Variants in SLC13A3 observed in about 807,000 individuals in gnomAD.
SLC13A3 encodes Na(+)/dicarboxylate cotransporter 3.
SLC13A3 carries 40 observed loss-of-function variants against 59.0 expected under a neutral mutation model. The observed-to-expected ratio is 0.68, with a 90% CI of 0.53 to 0.88. SLC13A3 has a LOEUF of 0.88. Among genes scored for constraint, SLC13A3 ranks in the 40% least tolerant of loss-of-function variants. The probability of loss-of-function intolerance (pLI) is 0.00; values close to 1 mark genes in which losing one functional copy is unlikely to be tolerated. For missense variants in SLC13A3, 699 were observed against 783.2 expected, an observed-to-expected ratio of 0.89 and a Z score of 1.28; for synonymous variants, 317 against 330.3, an observed-to-expected ratio of 0.96 and a Z score of 0.44.
At chr20:46,638,341 C>T (rs2062814294) in intron 1 of SLC13A3, among the ~76,000 whole-genome samples, 1 of 152,246 alleles carries the variant, frequency 6.6e-6, no homozygotes, top group Non-Finnish European at 1.5e-5. Flanking sequence ...CTCTGCCCCT[C>T]ACCCCTAGGC....
chr20:46,589,313 C>A, intron 6 of SLC13A3, 58 bp from the exon 7 acceptor site: 1 of 1,439,770 alleles, frequency 6.9e-7, no homozygotes, highest in Non-Finnish European at 9.7e-7. Context: ...AACTTCTCAC[C>A]TACAACAAGC....
chr20:46,668,594 T>C (rs1027193833), intron 1 of SLC13A3, among the ~76,000 whole-genome samples: 1 of 152,202 alleles, frequency 6.6e-6, no homozygotes, highest in Non-Finnish European at 1.5e-5. Flanking sequence ...CAAGTGATGA[T>C]GTAGAAGCTA....
In SLC13A3 at chr20:46,585,825, T is replaced by C; in HGVS notation, c.1122-2156A>G. On this transcript the variant is annotated intron_variant, in intron 8 of 12. Coordinates refer to ENST00000279027, the MANE Select transcript of SLC13A3 (RefSeq NM_022829.6). ...AGAGCTTCATGGCTTCATGAAATTA[T>C]ATTGTTTCTTGCTTATAACAACCTT... 4.0e-6 allele frequency: 5 copies of C among 1,250,440 alleles called. No homozygotes were observed. In the South Asian group the frequency reaches 6.9e-5, roughly 17 times the overall value. The allele number at this position is 1,250,440 out of a possible 1,614,324, so 77.5% of individuals were successfully genotyped here. A position where few individuals can be genotyped will look rare whatever the true frequency, so the allele number is the denominator to read the frequency against.
At chr20:46,622,304 C>T (rs1191382713) in intron 1 of SLC13A3, among the ~76,000 whole-genome samples, 4 of 152,070 alleles carry the variant, frequency 2.6e-5, no homozygotes, top group South Asian at 2.1e-4. Context: ...AGGTGGATGC[C>T]GGCTCAAATA....
chr20:46,595,697 T>C (rs1450930372), intron 5 of SLC13A3, among the ~76,000 whole-genome samples: 3 of 152,184 alleles, frequency 2.0e-5, no homozygotes, highest in African/African-American at 7.2e-5. Context: ...GTTTTCTTGC[T>C]GGTCCCTGAA....
At chr20:46,582,805 C>T in intron 9 of SLC13A3, 1 of 985,394 alleles carries the variant, frequency 1.0e-6, no homozygotes, top group Non-Finnish European at 1.2e-6. Context: ...GGAGCTCATC[C>T]AACTGACCCA....
intron 1 of SLC13A3, among the ~76,000 whole-genome samples, chr20:46,620,667 T>A (rs1234189131): frequency 6.6e-6 from 1 of 152,026 alleles, no homozygotes; most frequent in African/African-American, 2.4e-5. Flanking sequence ...TCCACATGGA[T>A]CTGCAAGGAA....
chr20:46,610,421 C>T (rs1482249787), intron 3 of SLC13A3, 25 bp downstream of exon 3: 1 of 1,592,700 alleles, frequency 6.3e-7, no homozygotes, highest in Non-Finnish European at 8.5e-7. Context: ...GTGGATTTGG[C>T]CCCAATCCCT....
intron 11 of SLC13A3, 105 bp downstream of exon 11, chr20:46,566,124 C>T: frequency 1.1e-6 from 1 of 888,100 alleles, no homozygotes; most frequent in Non-Finnish European, 1.8e-6. Context: ...TTTTGGAAGA[C>T]AGCAATGGCA....
At chr20:46,681,256 G>A (rs773502682) in intron 1 of SLC13A3, among the ~76,000 whole-genome samples, 6 of 152,198 alleles carry the variant, frequency 3.9e-5, no homozygotes, top group Admixed American at 2.6e-4. Context: ...CCTCACGTCC[G>A]TCTCCCTCAT....
At chr20:46,667,613 G>A (rs1159507282) in intron 1 of SLC13A3, among the ~76,000 whole-genome samples, 1 of 152,150 alleles carries the variant, frequency 6.6e-6, no homozygotes, top group African/African-American at 2.4e-5. Context: ...TTACTTGTGT[G>A]AGTCTATCAC....
At chr20:46,643,526 C>G (rs6017956) in intron 1 of SLC13A3, among the ~76,000 whole-genome samples, 6,052 of 152,180 alleles carry the variant, frequency 0.04, 366 homozygotes, top group African/African-American at 0.13. Flanking sequence ...AGCCAGAGCG[C>G]TGGGAGCAGA....
At chr20:46,597,186 C>CTGGGTTGTTTTT (rs1354419574) in intron 4 of SLC13A3, among the ~76,000 whole-genome samples, 3 of 151,984 alleles carry the variant, frequency 2.0e-5, no homozygotes, top group Non-Finnish European at 4.4e-5. Flanking sequence ...ATATTATTTT[C>CTGGGTTGTTTTT]CTTTTTTATT....
upstream of SLC13A3, among the ~76,000 whole-genome samples, chr20:46,655,650 G>A (rs895281695): frequency 2.0e-5 from 3 of 146,404 alleles, no homozygotes; most frequent in African/African-American, 7.5e-5. Context: ...TCTACCTTTC[G>A]GCTATTGTGA....
chr20:46,561,662 T>G (rs557122917), intron 12 of SLC13A3, among the ~76,000 whole-genome samples: 73 of 100,814 alleles, frequency 7.2e-4, no homozygotes, highest in African/African-American at 2.0e-3. Context: ...TTTTTTTTGT[T>G]TTTTTTTTTT....
At chr20:46,627,349 A>G (rs536450587) in intron 1 of SLC13A3, among the ~76,000 whole-genome samples, 2 of 152,152 alleles carry the variant, frequency 1.3e-5, no homozygotes, top group Non-Finnish European at 2.9e-5. Context: ...AGGGGATAAA[A>G]GTTCCCAAGC....
At chr20:46,669,380 A>G (rs544282680) in intron 1 of SLC13A3, among the ~76,000 whole-genome samples, 1 of 151,884 alleles carries the variant, frequency 6.6e-6, no homozygotes, top group South Asian at 2.1e-4. Context: ...ACTATGCCCC[A>G]CACACTATGC....
intron 1 of SLC13A3, among the ~76,000 whole-genome samples, chr20:46,648,915 TCACA>T (rs533558646): frequency 0.02 from 2,949 of 145,282 alleles, 30 homozygotes; most frequent in South Asian, 0.033. Context: ...TCTCTCTCTC[TCACA>T]CACACACACA....
chr20:46,648,382 T>A (rs761513555), intron 1 of SLC13A3, among the ~76,000 whole-genome samples: 1 of 152,140 alleles, frequency 6.6e-6, no homozygotes, highest in Non-Finnish European at 1.5e-5. Context: ...ATAATGACAA[T>A]CATATAAATA....
Sources: gnomAD v4.1 joint callset for allele counts (sites outside exome capture counted in the v4.1 genomes callset) on GRCh38, gnomAD v4.1.1 for gene constraint, MANE v1.5 for transcripts, NCBI Gene and HGNC (gene_info 2026-07-23, HGNC 2026-07-21) for gene names.